Variants in MIPOL1 observed in about 807,000 individuals in gnomAD.
The protein encoded by MIPOL1 is mirror-image polydactyly gene 1 protein.
Under a neutral mutation model 60.9 loss-of-function variants are expected in MIPOL1, and 57 were observed. The ratio of observed to expected loss-of-function variants is 0.94; its 90% CI spans 0.76 to 1.17. The LOEUF (loss-of-function observed/expected upper bound fraction) is 1.17. Among genes scored for constraint, MIPOL1 ranks in the 50% most tolerant of loss-of-function variants. The probability of loss-of-function intolerance (pLI) is 0.00; values close to 1 mark genes in which losing one functional copy is unlikely to be tolerated. For missense variants in MIPOL1, 551 were observed against 511.6 expected (o/e 1.08, Z -0.74); for synonymous variants, 179 against 168.8 (o/e 1.06, Z -0.47).
At chr14:37,458,003 G>C (rs938933721) in intron 11 of MIPOL1, among the ~76,000 whole-genome samples, 1 of 151,610 alleles carries the variant, frequency 6.6e-6, no homozygotes, top group African/African-American at 2.4e-5. Flanking sequence ...ATACCATACA[G>C]ATGGAAAACA....
intron 12 of MIPOL1, among the ~76,000 whole-genome samples, chr14:37,544,326 A>G (rs1455746945): frequency 6.6e-6 from 1 of 152,202 alleles, no homozygotes; most frequent in Non-Finnish European, 1.5e-5. Flanking sequence ...TAGGTGCAGC[A>G]TTTTTAGTGA....
intron 10 of MIPOL1, among the ~76,000 whole-genome samples, chr14:37,422,222 C>T (rs1302596591): frequency 6.6e-6 from 1 of 151,868 alleles, no homozygotes; most frequent in Non-Finnish European, 1.5e-5. Flanking sequence ...AAAATTATAG[C>T]AGGAAGGAAC....
chr14:37,270,788 G>T (rs2083248902), intron 6 of MIPOL1, among the ~76,000 whole-genome samples: 1 of 151,714 alleles, frequency 6.6e-6, no homozygotes, highest in African/African-American at 2.4e-5. Flanking sequence ...CAAAAAGGTT[G>T]TTTGTTTTGT....
intron 7 of MIPOL1, among the ~76,000 whole-genome samples, chr14:37,302,360 A>G (rs1305452560): frequency 1.3e-5 from 2 of 150,416 alleles, no homozygotes; most frequent in East Asian, 2.0e-4. Flanking sequence ...CTGATGACAA[A>G]TCATATTGAG....
At chr14:37,465,787 T>G (rs1439139440) in intron 11 of MIPOL1, among the ~76,000 whole-genome samples, 1 of 152,122 alleles carries the variant, frequency 6.6e-6, no homozygotes. Context: ...CTATTTCTCC[T>G]GCCAGAATAA....
intron 11 of MIPOL1, among the ~76,000 whole-genome samples, chr14:37,455,134 C>A (rs140466546): frequency 1.2e-3 from 183 of 152,260 alleles, no homozygotes; most frequent in African/African-American, 4.3e-3. Flanking sequence ...AAACCCAATT[C>A]AGAATGTATA....
chr14:37,213,754 A>T (rs186588796), intron 1 of MIPOL1, among the ~76,000 whole-genome samples: 14 of 152,292 alleles, frequency 9.2e-5, no homozygotes, highest in Non-Finnish European at 1.8e-4. Context: ...TAACCCAAAG[A>T]AGACTATTTC....
chr14:37,388,608 C>G (rs2093144570), intron 10 of MIPOL1, among the ~76,000 whole-genome samples: 1 of 150,968 alleles, frequency 6.6e-6, no homozygotes, highest in African/African-American at 2.4e-5. Context: ...CAGAGCATTT[C>G]TATCATCCCA....
chr14:37,468,163 T>C (rs976772344), intron 11 of MIPOL1, among the ~76,000 whole-genome samples: 1 of 150,860 alleles, frequency 6.6e-6, no homozygotes, highest in Non-Finnish European at 1.5e-5. Context: ...TGTTTACATA[T>C]ACGTGTGTGT....
intron 9 of MIPOL1, among the ~76,000 whole-genome samples, chr14:37,348,163 G>A (rs1488643393): frequency 1.3e-5 from 2 of 152,142 alleles, no homozygotes; most frequent in East Asian, 3.9e-4. Context: ...GAGAATATGT[G>A]GTATTTGGTT....
At chr14:37,541,273 C>T (rs1489525317) in intron 12 of MIPOL1, among the ~76,000 whole-genome samples, 1 of 152,172 alleles carries the variant, frequency 6.6e-6, no homozygotes, top group East Asian at 1.9e-4. Flanking sequence ...TTGCTCCTTC[C>T]ATTCTCCCCG....
chr14:37,250,731 T>G (rs1410911228), intron 3 of MIPOL1, among the ~76,000 whole-genome samples: 2 of 152,262 alleles, frequency 1.3e-5, no homozygotes, highest in East Asian at 3.9e-4. Flanking sequence ...TCCTAGTCGG[T>G]TCCTTTGAAT....
chr14:37,417,637 G>T (rs1005370707), intron 10 of MIPOL1, among the ~76,000 whole-genome samples: 6 of 152,084 alleles, frequency 3.9e-5, no homozygotes, highest in African/African-American at 1.2e-4. Flanking sequence ...TTCTTCTGAG[G>T]TTAAAAATTA....
At chr14:37,342,241 C>A (rs1437024864) in intron 9 of MIPOL1, among the ~76,000 whole-genome samples, 3 of 151,748 alleles carry the variant, frequency 2.0e-5, no homozygotes, top group Non-Finnish European at 4.4e-5. Flanking sequence ...GTGTGCCCCC[C>A]AGCTATTTGG....
intron 9 of MIPOL1, among the ~76,000 whole-genome samples, chr14:37,365,057 T>A (rs2092422822): frequency 6.6e-6 from 1 of 152,238 alleles, no homozygotes; most frequent in Non-Finnish European, 1.5e-5. Flanking sequence ...TGATTTTGTA[T>A]CCTGCAACCT....
chr14:37,325,257 AATTCCG>A (rs2089027151), intron 9 of MIPOL1, among the ~76,000 whole-genome samples: 1 of 152,104 alleles, frequency 6.6e-6, no homozygotes, highest in Non-Finnish European at 1.5e-5. Flanking sequence ...TAAACAGCAA[AATTCCG>A]TTTACCCTCG....
chr14:37,465,168 G>T (rs141982857), intron 11 of MIPOL1, among the ~76,000 whole-genome samples: 531 of 152,280 alleles, frequency 3.5e-3, no homozygotes, highest in Admixed American at 6.8e-3. Context: ...AATATTCCAT[G>T]CTGCCTTTCC....
intron 12 of MIPOL1, among the ~76,000 whole-genome samples, chr14:37,529,318 T>C (rs1277540250): frequency 6.6e-6 from 1 of 152,160 alleles, no homozygotes; most frequent in East Asian, 1.9e-4. Flanking sequence ...ATCAAAAAAA[T>C]TGTGTCATGT....
At chr14:37,482,713 T>C (rs940992267) in intron 11 of MIPOL1, among the ~76,000 whole-genome samples, 17 of 152,300 alleles carry the variant, frequency 1.1e-4, no homozygotes, top group African/African-American at 4.1e-4. Context: ...CCTCGACACC[T>C]GAATTGCAAT....
Sources: gnomAD v4.1 joint callset for allele counts (sites outside exome capture counted in the v4.1 genomes callset) on GRCh38, gnomAD v4.1.1 for gene constraint, MANE v1.5 for transcripts, NCBI Gene and HGNC (gene_info 2026-07-23, HGNC 2026-07-21) for gene names.